Variants in MAGEA11 observed in about 807,000 individuals in gnomAD.
MAGEA11 encodes the protein MAGE family member A11.
MAGEA11 carries 1 observed loss-of-function variant against 8.4 expected under a neutral mutation model. That is an observed-to-expected ratio of 0.12 (90% CI 0.04 to 0.57). MAGEA11 has a LOEUF of 0.57. MAGEA11 is among the 20% of genes least tolerant of loss of function. MAGEA11 has a pLI of 0.91. For missense variants in MAGEA11, 209 were observed against 317.3 expected, an observed-to-expected ratio of 0.66 and a Z score of 2.59; for synonymous variants, 127 against 119.3, an observed-to-expected ratio of 1.06 and a Z score of -0.42.
chrX:149,711,797 C>T, upstream of MAGEA11: 1 of 752,664 alleles, frequency 1.3e-6, no homozygotes, highest in Non-Finnish European at 1.6e-6. Flanking sequence ...CCGAGAGGAG[C>T]AGACATCATT....
At chrX:149,694,729 TA>T (rs2090323864) in intron 1 of MAGEA11, among the ~76,000 whole-genome samples, 3 of 111,271 alleles carry the variant, frequency 2.7e-5, no homozygotes, top group South Asian at 7.8e-4. Context: ...TTCTTTTTTT[TA>T]ATTTTATTTC....
chrX:149,689,045 A>C, intron 1 of MAGEA11: 1 of 937,225 alleles, frequency 1.1e-6, no homozygotes. Context: ...AGGACCAACT[A>C]ATTCAGTAAC....
intron 1 of MAGEA11, among the ~76,000 whole-genome samples, chrX:149,701,041 T>C (rs782624391): frequency 7.9e-4 from 88 of 110,964 alleles, no homozygotes; most frequent in African/African-American, 2.8e-3. Flanking sequence ...TGCATGTGTC[T>C]TTATAGCAGC....
intron 1 of MAGEA11, among the ~76,000 whole-genome samples, chrX:149,692,408 A>G (rs782527068): frequency 9.3e-6 from 1 of 107,573 alleles, no homozygotes; most frequent in African/African-American, 3.3e-5. Flanking sequence ...CCCTGTCTCA[A>G]AAAAAAAAAA....
chrX:149,696,574 C>A (rs2090331067), intron 1 of MAGEA11, among the ~76,000 whole-genome samples: 1 of 110,616 alleles, frequency 9.0e-6, no homozygotes, highest in East Asian at 2.9e-4. Context: ...TGACCTGGGG[C>A]AAATCCGAGG....
intron 1 of MAGEA11, among the ~76,000 whole-genome samples, chrX:149,702,395 C>G (rs1179549408): frequency 1.8e-5 from 2 of 111,373 alleles, no homozygotes; most frequent in East Asian, 5.6e-4. Context: ...TAGACTAAAA[C>G]TTTTATCATC....
At chrX:149,715,505 AC>A in intron 3 of MAGEA11, 98 bp from the exon 4 acceptor site, 1 of 555,377 alleles carries the variant, frequency 1.8e-6, no homozygotes, top group East Asian at 3.3e-5. Flanking sequence ...ACAGAAAGGG[AC>A]CCCCAGCTTG....
intron 1 of MAGEA11, among the ~76,000 whole-genome samples, chrX:149,701,808 A>G (rs2090355057): frequency 9.0e-6 from 1 of 111,473 alleles, no homozygotes; most frequent in African/African-American, 3.3e-5. Context: ...TCCCAGCACC[A>G]TTTATTAAAT....
chrX:149,703,365 G>A (rs1315773751), intron 1 of MAGEA11, among the ~76,000 whole-genome samples: 2 of 112,292 alleles, frequency 1.8e-5, no homozygotes, highest in Non-Finnish European at 3.8e-5. Context: ...TGCAAGCAGT[G>A]GTGTGGAGAA....
At chrX:149,713,837 G>T in intron 2 of MAGEA11, 1 of 112,367 alleles carries the variant, frequency 8.9e-6, no homozygotes, top group Non-Finnish European at 1.9e-5. Flanking sequence ...GAGGAAAATT[G>T]ATGAAGACTG....
chrX:149,689,300 C>T (rs1370764818), intron 1 of MAGEA11, among the ~76,000 whole-genome samples: 3 of 111,169 alleles, frequency 2.7e-5, no homozygotes, highest in Non-Finnish European at 5.7e-5. Context: ...CTAGTGTGTT[C>T]TAGGCAGCTG....
At chrX:149,708,806 G>A (rs2090387669), upstream of MAGEA11, among the ~76,000 whole-genome samples, 1 of 111,109 alleles carries the variant, frequency 9.0e-6, no homozygotes, top group Admixed American at 9.5e-5. Context: ...TTTGAGACGT[G>A]GGGTAGGTAG....
At chrX:149,693,268 T>C (rs1557360294) in intron 1 of MAGEA11, among the ~76,000 whole-genome samples, 1 of 112,186 alleles carries the variant, frequency 8.9e-6, no homozygotes, top group East Asian at 2.8e-4. Context: ...TGCATGTAAA[T>C]TGGAATGTAT....
At position 149,689,152 on chromosome X, in the gene MAGEA11, T is replaced by A. The variant is rs149536856; in HGVS notation, c.9+168T>A. On this transcript the variant is annotated intron_variant, in intron 1 of 3. Transcript: ENST00000333104. ...TCCTTGTCACAACAGAGAACCTGTG[T>A]CCTGTGACTATAAAAGTGGGTCTAT... Among the ~76,000 whole-genome samples, 1,040 of 112,110 alleles carry A rather than the reference T, an allele frequency of 9.3e-3. 15 individuals carry two copies. Among genetic ancestry groups the A allele is most frequent in the African/African-American group, 0.032 (994 of 30,853 alleles).
exon 1 of MAGEA11, chrX:149,688,847 C>T (rs2090298850): frequency 4.3e-6 from 2 of 467,855 alleles, no homozygotes; most frequent in Non-Finnish European, 7.2e-6. Context: ...GGGCAGGGAG[C>T]TGTCTTGACC....
At chrX:149,699,311 T>C (rs1288803870) in intron 1 of MAGEA11, among the ~76,000 whole-genome samples, 3 of 111,970 alleles carry the variant, frequency 2.7e-5, no homozygotes, top group African/African-American at 9.7e-5. Context: ...AAGCAAAGAT[T>C]GCTTGGAGGA....
chrX:149,707,631 A>G (rs782440440), upstream of MAGEA11, among the ~76,000 whole-genome samples: 2 of 112,078 alleles, frequency 1.8e-5, no homozygotes, highest in Non-Finnish European at 3.8e-5. Context: ...ATTTGGTACA[A>G]TGATTCTAAC....
chrX:149,714,201 C>G (rs781975348), intron 2 of MAGEA11: 59 of 319,595 alleles, frequency 1.8e-4, no homozygotes, highest in Non-Finnish European at 3.0e-4. Context: ...GGGACCTCAT[C>G]ACGGGTGGCC....
chrX:149,704,691 C>A (rs1557361279), intron 1 of MAGEA11, among the ~76,000 whole-genome samples: 2 of 112,142 alleles, frequency 1.8e-5, no homozygotes, highest in Admixed American at 9.4e-5. Context: ...TAAGCTACAG[C>A]AACCATTTGA....
Sources: gnomAD v4.1 joint callset for allele counts (sites outside exome capture counted in the v4.1 genomes callset) on GRCh38, gnomAD v4.1.1 for gene constraint, MANE v1.5 for transcripts, NCBI Gene and HGNC (gene_info 2026-07-23, HGNC 2026-07-21) for gene names.